CUL1: variants seen among roughly 807,000 people sequenced by gnomAD.
CUL1 encodes the protein cullin-1.
In CUL1, 24 loss-of-function variants were observed where a neutral mutation model predicts 118.0. The ratio of observed to expected loss-of-function variants is 0.20; its 90% CI spans 0.15 to 0.29. The LOEUF is 0.29. Ranked by LOEUF, CUL1 falls within the 10% of genes least tolerant of loss-of-function variation. The pLI is 1.00. For synonymous variants in CUL1, 332 were observed against 340.4 expected (o/e 0.98, Z 0.27); for missense variants, 361 against 933.8 (o/e 0.39, Z 7.99).
chr7:148,780,569 C>G (rs1170347546), intron 9 of CUL1, among the ~76,000 whole-genome samples: 1 of 152,176 alleles, frequency 6.6e-6, no homozygotes, highest in Middle Eastern at 3.2e-3. Flanking sequence ...CAGATCAGGC[C>G]ATTCGTGACA....
intron 2 of CUL1, among the ~76,000 whole-genome samples, chr7:148,745,620 G>T (rs1799288234): frequency 6.6e-6 from 1 of 152,184 alleles, no homozygotes; most frequent in Admixed American, 6.5e-5. Flanking sequence ...GTGACTATTA[G>T]GATGAAGATG....
In CUL1 at chr7:148,759,533, A is replaced by T; in HGVS notation, c.535-15A>T. The T allele has an allele frequency of 6.5e-7, 1 of 1,541,796 alleles. No individual in the cohort carries two copies. The highest frequency in any genetic ancestry group is 8.9e-7 in the Non-Finnish European group (1 of 1,121,266). ...TCTATAACCTGTGTAATATTTTTCT[A>T]CATCCTTTCTAAAGGTAACAAATGC... On this transcript the variant is annotated splice_polypyrimidine_tract_variant and intron_variant, in intron 5 of 21. Transcript: ENST00000325222.
intron 1 of CUL1, among the ~76,000 whole-genome samples, chr7:148,718,004 C>T (rs1798272659): frequency 6.6e-6 from 1 of 152,194 alleles, no homozygotes; most frequent in African/African-American, 2.4e-5. Context: ...ATAAACCCCT[C>T]TCTATTGGTA....
At chr7:148,752,893 C>T (rs1799536754) in intron 2 of CUL1, among the ~76,000 whole-genome samples, 1 of 152,194 alleles carries the variant, frequency 6.6e-6, no homozygotes, top group East Asian at 1.9e-4. Context: ...ACCTTGTGAT[C>T]CACCTGTCTC....
At chr7:148,730,845 T>C (rs1798739441) in intron 2 of CUL1, among the ~76,000 whole-genome samples, 2 of 152,272 alleles carry the variant, frequency 1.3e-5, no homozygotes, top group South Asian at 4.2e-4. Flanking sequence ...AAGGTCTCGC[T>C]CTGTCACCCA....
intron 2 of CUL1, among the ~76,000 whole-genome samples, chr7:148,746,740 GTAAA>G (rs1292649795): frequency 6.6e-6 from 1 of 152,188 alleles, no homozygotes; most frequent in Non-Finnish European, 1.5e-5. Context: ...TCTTTAGTAA[GTAAA>G]AGTAAAAATT....
In CUL1 at chr7:148,800,879, G is replaced by T. The variant is rs558551595; in HGVS notation, c.*297G>T. The T allele has an allele frequency of 7.9e-6, 2 of 251,626 alleles. No individual in the cohort carries two copies. Among genetic ancestry groups the T allele is most frequent in the Non-Finnish European group, 7.6e-6 (1 of 131,606 alleles). 15.6% of individuals were successfully genotyped at this position (251,626 alleles called of 1,614,324 possible). On this transcript the variant is annotated 3_prime_UTR_variant, in exon 22 of 22. Coordinates refer to ENST00000325222, the MANE Select transcript of CUL1 (RefSeq NM_003592.3). This position sits in a 1 kb window ranked among gnomAD's most constrained non-coding sequence, Gnocchi z 4.6. ...CACTAAGTCAATACATGGGCTCCCC[G>T]ATTCGCAGCTGTCGTCTTGGCAGCA...
intron 2 of CUL1, among the ~76,000 whole-genome samples, chr7:148,733,057 A>C (rs1051339655): frequency 2.0e-5 from 3 of 152,176 alleles, no homozygotes; most frequent in Non-Finnish European, 4.4e-5. Flanking sequence ...TCTGTGGATA[A>C]GCTCCAGGAA....
chr7:148,748,726 G>T (rs953849701), intron 2 of CUL1, among the ~76,000 whole-genome samples: 9 of 152,064 alleles, frequency 5.9e-5, no homozygotes. Context: ...TGGCCCCCCC[G>T]TTCTGGCCCA....
At chr7:148,741,444 TTTAC>T (rs138497446) in intron 2 of CUL1, among the ~76,000 whole-genome samples, 37,862 of 151,962 alleles carry the variant, frequency 0.25, 5,265 homozygotes, top group South Asian at 0.4. Flanking sequence ...TATTTAGTTA[TTTAC>T]TTACTTATTT....
intron 2 of CUL1, among the ~76,000 whole-genome samples, chr7:148,751,812 T>C (rs1799500329): frequency 6.6e-6 from 1 of 152,140 alleles, no homozygotes; most frequent in African/African-American, 2.4e-5. Flanking sequence ...ACAGTTTGTA[T>C]AATTTAAAAA....
intron 2 of CUL1, among the ~76,000 whole-genome samples, chr7:148,753,282 G>A (rs1799550635): frequency 6.6e-6 from 1 of 152,134 alleles, no homozygotes; most frequent in South Asian, 2.1e-4. Flanking sequence ...AATAATACAT[G>A]CAGATAAGCT....
At chr7:148,746,979 C>T (rs1385755767) in intron 2 of CUL1, among the ~76,000 whole-genome samples, 1 of 152,106 alleles carries the variant, frequency 6.6e-6, no homozygotes, top group African/African-American at 2.4e-5. Flanking sequence ...GAGTTTTTTG[C>T]CATTAGGAGC....
intron 7 of CUL1, among the ~76,000 whole-genome samples, chr7:148,762,760 A>G (rs1052191768): frequency 5.3e-5 from 8 of 152,240 alleles, no homozygotes; most frequent in Non-Finnish European, 8.8e-5. Flanking sequence ...TCCTTTGTCC[A>G]CACTGATGAA....
At chr7:148,722,876 G>C (rs897384066) in intron 1 of CUL1, among the ~76,000 whole-genome samples, 1 of 152,238 alleles carries the variant, frequency 6.6e-6, no homozygotes, top group African/African-American at 2.4e-5. Context: ...GAGGCAGGAA[G>C]AGGACGAGGC....
chr7:148,781,079 A>ATTCTTT (rs1800611829), intron 9 of CUL1, among the ~76,000 whole-genome samples: 1 of 93,732 alleles, frequency 1.1e-5, no homozygotes, highest in African/African-American at 4.6e-5. Context: ...TCAAGGCCAG[A>ATTCTTT]TTTTTTTTTT....
intron 12 of CUL1, 118 bp from the exon 13 acceptor site, chr7:148,786,871 G>A (rs1266331356): frequency 4.4e-6 from 6 of 1,378,606 alleles, no homozygotes; most frequent in South Asian, 2.6e-5. Context: ...TTGGCGTACA[G>A]ACCTGCCCAA....
chr7:148,700,220 A>G (rs1353740911), intron 1 of CUL1, among the ~76,000 whole-genome samples: 1 of 152,126 alleles, frequency 6.6e-6, no homozygotes, highest in Non-Finnish European at 1.5e-5. Flanking sequence ...AAAATCGTCA[A>G]AAGTTCTGAG....
chr7:148,784,830 CGA>C (rs1563168617), intron 11 of CUL1, among the ~76,000 whole-genome samples: 2 of 151,904 alleles, frequency 1.3e-5, no homozygotes, highest in African/African-American at 4.8e-5. Context: ...CAAAAAAGAC[CGA>C]GAAATACCCA....
Sources: allele counts gnomAD v4.1 joint callset (sites outside exome capture counted in the v4.1 genomes callset), GRCh38; gene constraint gnomAD v4.1.1; non-coding constraint Gnocchi (gnomAD v3.1); transcripts MANE v1.5; gene names NCBI Gene and HGNC (gene_info 2026-07-23, HGNC 2026-07-21).